Variants in BRD10 observed in about 807,000 individuals in gnomAD.
The protein encoded by BRD10 is uncharacterized bromodomain-containing protein 10.
chr9:5,933,135 C>T, the BRD10 span, among the ~76,000 whole-genome samples: 2 of 152,126 alleles, frequency 1.3e-5, no homozygotes, highest in Non-Finnish European at 2.9e-5. Flanking sequence ...CTATGACTTT[C>T]TCTAATAAAA....
the BRD10 span, among the ~76,000 whole-genome samples, chr9:5,978,331 G>A: frequency 1.3e-5 from 2 of 149,296 alleles, no homozygotes; most frequent in African/African-American, 4.9e-5. Flanking sequence ...TGCTTACCAT[G>A]TGTGACAACA....
chr9:5,933,943 T>C, the BRD10 span: 1 of 444,510 alleles, frequency 2.2e-6, no homozygotes, highest in East Asian at 7.0e-5. Flanking sequence ...TAACAACAAA[T>C]ATATTTTGCA....
the BRD10 span, among the ~76,000 whole-genome samples, chr9:5,882,864 A>G: frequency 6.6e-6 from 1 of 152,224 alleles, no homozygotes; most frequent in Non-Finnish European, 1.5e-5. Flanking sequence ...TTGTAGGGAC[A>G]TGGATGAAGC....
chr9:5,968,475 T>C, the BRD10 span: 2 of 1,611,510 alleles, frequency 1.2e-6, no homozygotes, highest in South Asian at 1.1e-5. Flanking sequence ...AAATTTTCTT[T>C]ACAACAATCA....
At chr9:5,930,369 T>TTATATATATATATATATATATATA in the BRD10 span, among the ~76,000 whole-genome samples, 14 of 135,504 alleles carry the variant, frequency 1.0e-4, no homozygotes, top group African/African-American at 1.7e-4. Flanking sequence ...TATAAGGAGA[T>TTATATATATATATATATATATATA]TATATATATA....
the BRD10 span, among the ~76,000 whole-genome samples, chr9:5,998,807 C>A: frequency 6.6e-6 from 1 of 151,828 alleles, no homozygotes; most frequent in African/African-American, 2.4e-5. Context: ...AATTTCCTAG[C>A]CTGGAATTAA....
the BRD10 span, among the ~76,000 whole-genome samples, chr9:5,929,940 T>G: frequency 6.6e-6 from 1 of 152,094 alleles, no homozygotes; most frequent in Admixed American, 6.6e-5. Flanking sequence ...ACCACATCAC[T>G]ACCTCTTAAA....
the BRD10 span, among the ~76,000 whole-genome samples, chr9:5,908,433 C>A: frequency 3.2e-4 from 48 of 152,282 alleles, no homozygotes; most frequent in Non-Finnish European, 5.6e-4. Flanking sequence ...CTCCTTAACC[C>A]TATTTTTCTC....
At chr9:5,974,795 C>T in the BRD10 span, among the ~76,000 whole-genome samples, 18 of 152,320 alleles carry the variant, frequency 1.2e-4, no homozygotes, top group Admixed American at 9.2e-4. Context: ...CCTGTTCCCA[C>T]TAACCATGCT....
chr9:5,976,155 G>A, the BRD10 span, among the ~76,000 whole-genome samples: 2 of 152,028 alleles, frequency 1.3e-5, no homozygotes, highest in Admixed American at 6.5e-5. Context: ...CCTTTTAGTA[G>A]CCTTAAAGAT....
chr9:5,966,872 T>A, the BRD10 span, among the ~76,000 whole-genome samples: 3 of 152,204 alleles, frequency 2.0e-5, no homozygotes, highest in Non-Finnish European at 4.4e-5. Context: ...CTTTTAAACA[T>A]TGTGGTTTTT....
chr9:5,987,476 T>C, the BRD10 span, among the ~76,000 whole-genome samples: 2 of 151,984 alleles, frequency 1.3e-5, no homozygotes, highest in African/African-American at 2.4e-5. Context: ...TCCTTTCCTA[T>C]AGTAGGAGTA....
the BRD10 span, among the ~76,000 whole-genome samples, chr9:5,986,423 G>T: frequency 5.9e-5 from 9 of 152,152 alleles, no homozygotes; most frequent in Admixed American, 1.3e-4. Flanking sequence ...GAATAGTGCT[G>T]CAATGAACAT....
chr9:5,990,908 T>G, the BRD10 span, among the ~76,000 whole-genome samples: 2 of 152,206 alleles, frequency 1.3e-5, no homozygotes, highest in Non-Finnish European at 2.9e-5. Context: ...ATTCAACAAC[T>G]ACAACCAAGA....
At chr9:5,994,853 C>T in the BRD10 span, among the ~76,000 whole-genome samples, 1 of 151,816 alleles carries the variant, frequency 6.6e-6, no homozygotes, top group East Asian at 1.9e-4. Context: ...AGGTGGTCAA[C>T]TCCCTCTTTC....
At chr9:5,983,741 A>G in the BRD10 span, among the ~76,000 whole-genome samples, 1 of 152,238 alleles carries the variant, frequency 6.6e-6, no homozygotes, top group South Asian at 2.1e-4. Context: ...AAACACACAC[A>G]CATAAGCTCA....
the BRD10 span, among the ~76,000 whole-genome samples, chr9:5,982,953 G>C: frequency 1.3e-5 from 2 of 152,094 alleles, no homozygotes; most frequent in Non-Finnish European, 2.9e-5. Flanking sequence ...TTAAAATTGT[G>C]GTATTGTTAT....
the BRD10 span, among the ~76,000 whole-genome samples, chr9:5,958,074 G>A: frequency 1.3e-5 from 2 of 152,092 alleles, no homozygotes; most frequent in Non-Finnish European, 2.9e-5. Context: ...CCACTCTTGA[G>A]CCTAAAACAG....
At chr9:5,967,694 GA>G in the BRD10 span, among the ~76,000 whole-genome samples, 33 of 123,712 alleles carry the variant, frequency 2.7e-4, no homozygotes, top group East Asian at 1.2e-3. Flanking sequence ...CCCTTAGCCT[GA>G]AAAAAAAAAA....
Sources: allele counts gnomAD v4.1 joint callset (sites outside exome capture counted in the v4.1 genomes callset), GRCh38; gene constraint gnomAD v4.1.1; transcripts MANE v1.5; gene names NCBI Gene and HGNC (gene_info 2026-07-23, HGNC 2026-07-21).